The following YWHAZ variants were observed in gnomAD, a reference collection of about 807,000 sequenced individuals.
YWHAZ encodes the protein 14-3-3 protein zeta/delta.
For missense variants in YWHAZ, 79 were observed against 284.8 expected, an observed-to-expected ratio of 0.28 and a Z score of 5.20; for synonymous variants, 87 against 103.6, an observed-to-expected ratio of 0.84 and a Z score of 0.97.
upstream of YWHAZ, chr8:100,953,068 G>A (rs1220664172): frequency 2.0e-6 from 2 of 996,926 alleles, no homozygotes; most frequent in Non-Finnish European, 2.4e-6. Context: ...CTGGAAGGAG[G>A]CGCGGCCGCT....
chr8:100,947,539 C>T (rs1312727473), intron 2 of YWHAZ, among the ~76,000 whole-genome samples: 1 of 152,176 alleles, frequency 6.6e-6, no homozygotes, highest in Non-Finnish European at 1.5e-5. Context: ...GAGAAAATTA[C>T]AGTTTAGGAA....
upstream of YWHAZ, chr8:100,952,850 C>G (rs970510522): frequency 5.0e-6 from 5 of 1,000,278 alleles, no homozygotes; most frequent in African/African-American, 7.0e-5. Flanking sequence ...GCGGCTTTAC[C>G]TGCTGGCTCG....
At chr8:100,952,275 G>T, upstream of YWHAZ, 1 of 465,870 alleles carries the variant, frequency 2.1e-6, no homozygotes, top group Non-Finnish European at 2.8e-6. Context: ...ACCCCGCTCG[G>T]CTTCCAGCTC....
intron 2 of YWHAZ, among the ~76,000 whole-genome samples, chr8:100,938,475 A>G (rs1440304714): frequency 6.6e-6 from 1 of 152,234 alleles, no homozygotes. Context: ...CTCCCAGTTT[A>G]TATTATTCAA....
chr8:100,935,290 G>GC (rs1450434933), intron 2 of YWHAZ, among the ~76,000 whole-genome samples: 1 of 152,094 alleles, frequency 6.6e-6, no homozygotes, highest in Non-Finnish European at 1.5e-5. Flanking sequence ...AATAATATAC[G>GC]CATAACTGTA....
At chr8:100,943,668 A>T (rs1810038661) in intron 2 of YWHAZ, among the ~76,000 whole-genome samples, 1 of 151,940 alleles carries the variant, frequency 6.6e-6, no homozygotes, top group South Asian at 2.1e-4. Context: ...ACTTTACATT[A>T]AAAAAAACTG....
intron 2 of YWHAZ, among the ~76,000 whole-genome samples, chr8:100,933,498 ATT>A (rs576766187): frequency 6.6e-6 from 1 of 151,942 alleles, no homozygotes; most frequent in East Asian, 1.9e-4. Context: ...TTAAATATAT[ATT>A]TTTTTTGCCA....
At position 100,922,259 on chromosome 8, in the gene YWHAZ, G is replaced by A. The variant is rs1036575236; in HGVS notation, c.679-1507C>T. On this transcript the variant is annotated intron_variant, in intron 5 of 5. Transcript: ENST00000395958. This position sits in a 1 kb window ranked among gnomAD's most constrained non-coding sequence, Gnocchi z 4.1. ...AATTCAGAATGAAATATTAAGTTTT[G>A]GGATAATTTCTTTTCTTGACAGATA... Among the ~76,000 whole-genome samples, 12 of 152,090 alleles carry A rather than the reference G, an allele frequency of 7.9e-5. No homozygotes were observed. The highest frequency in any genetic ancestry group is 2.9e-4 in the African/African-American group (12 of 41,400).
Position 100,924,334 on chromosome 8 carries a change from T to C in YWHAZ, c.419-36A>G, listed in dbSNP as rs180901504. On this transcript the variant is annotated intron_variant, in intron 3 of 5. Transcript: ENST00000395958. This position sits in a 1 kb window ranked among gnomAD's most constrained non-coding sequence, Gnocchi z 5.7. ...CACACCAAAACGTACTGAGATAAAG[T>C]GTGCATTATATCTTCACCCCTCAAA... 85 of 1,592,170 alleles carry C rather than the reference T, an allele frequency of 5.3e-5. No individual in the cohort carries two copies. The highest frequency in any genetic ancestry group is 7.0e-5 in the Admixed American group (4 of 56,868).
chr8:100,945,116 G>A (rs1048465368), intron 2 of YWHAZ, among the ~76,000 whole-genome samples: 3 of 152,208 alleles, frequency 2.0e-5, no homozygotes, highest in Non-Finnish European at 4.4e-5. Flanking sequence ...AAGGCAGATT[G>A]CATTAGTTCA....
Position 100,917,047 on chromosome 8 carries a change from G to C in YWHAZ, c.*3646C>G, listed in dbSNP as rs1408469084. On this transcript the variant is annotated 3_prime_UTR_variant, in exon 6 of 6. Transcript: ENST00000395958. ...TTTATTTCTTGACCTTTCCCTAGAG[G>C]AATGTGTAAGACCATCATTGAGCAT... 6.6e-6 allele frequency: 1 copy of C among 150,646 alleles called. No individual in the cohort carries two copies. Among genetic ancestry groups the C allele is most frequent in the Non-Finnish European group, 1.5e-5 (1 of 68,030 alleles). 9.3% of individuals were successfully genotyped at this position (150,646 alleles called of 1,614,324 possible). A position where few individuals can be genotyped will look rare whatever the true frequency, so the allele number is the denominator to read the frequency against.
chr8:100,950,456 T>C, intron 1 of YWHAZ: 1 of 985,446 alleles, frequency 1.0e-6, no homozygotes, highest in East Asian at 1.1e-4. Flanking sequence ...GACCCGGACT[T>C]TAAAGTGCAA....
chr8:100,921,733 C>T (rs1426949086), intron 5 of YWHAZ, among the ~76,000 whole-genome samples: 1 of 152,166 alleles, frequency 6.6e-6, no homozygotes, highest in South Asian at 2.1e-4. Flanking sequence ...AAACCAGAAC[C>T]AAATCTTTTA....
intron 2 of YWHAZ, among the ~76,000 whole-genome samples, chr8:100,945,565 AT>A: frequency 6.6e-6 from 1 of 152,170 alleles, no homozygotes; most frequent in Middle Eastern, 3.4e-3. Flanking sequence ...ATTATAATTG[AT>A]TTTTTATCAT....
At chr8:100,945,851 T>A (rs1256292528) in intron 2 of YWHAZ, among the ~76,000 whole-genome samples, 2 of 152,010 alleles carry the variant, frequency 1.3e-5, no homozygotes, top group Non-Finnish European at 2.9e-5. Context: ...CCTAATTCTA[T>A]GCTCTTTCTC....
At chr8:100,931,591 G>A (rs1485390469) in intron 2 of YWHAZ, among the ~76,000 whole-genome samples, 4 of 151,998 alleles carry the variant, frequency 2.6e-5, no homozygotes, top group East Asian at 3.9e-4. Flanking sequence ...CATTAATTTT[G>A]AGAATTTACA....
At chr8:100,931,728 C>T (rs1813776017) in intron 2 of YWHAZ, among the ~76,000 whole-genome samples, 1 of 152,072 alleles carries the variant, frequency 6.6e-6, no homozygotes, top group Non-Finnish European at 1.5e-5. Flanking sequence ...GCATTCTACT[C>T]ACTGGTTGCT....
At chr8:100,938,263 AGAT>A (rs1466585988) in intron 2 of YWHAZ, among the ~76,000 whole-genome samples, 1 of 152,238 alleles carries the variant, frequency 6.6e-6, no homozygotes, top group Non-Finnish European at 1.5e-5. Context: ...ATCTACAATA[AGAT>A]GATACTACAT....
rs887663064 is a variant in YWHAZ at position 100,951,079 on chromosome 8, C to A, written c.-12+850G>T. ...CCCGTTCACAAGGAGCAAAAAAAGT[C>A]AGACCCATCCCCCACCCCCACCAGG... On this transcript the variant is annotated intron_variant, in intron 1 of 5. Transcript: ENST00000395958. The A allele has an allele frequency of 2.9e-5, 20 of 696,276 alleles. No homozygotes were observed. In the Admixed American group the frequency reaches 1.1e-3, roughly 39 times the overall value. 43.1% of individuals were successfully genotyped at this position (696,276 alleles called of 1,614,324 possible). A position where few individuals can be genotyped will look rare whatever the true frequency, so the allele number is the denominator to read the frequency against.
Sources: allele counts gnomAD v4.1 joint callset (sites outside exome capture counted in the v4.1 genomes callset), GRCh38; gene constraint gnomAD v4.1.1; non-coding constraint Gnocchi (gnomAD v3.1); transcripts MANE v1.5; gene names NCBI Gene and HGNC (gene_info 2026-07-23, HGNC 2026-07-21).